The following SMC1B variants were observed in gnomAD, a reference collection of about 807,000 sequenced individuals.
SMC1B encodes structural maintenance of chromosomes protein 1B.
In SMC1B, 60 loss-of-function variants were observed where a neutral mutation model predicts 157.9. That is an observed-to-expected ratio of 0.38 (90% confidence interval 0.31 to 0.47). The LOEUF is 0.47. SMC1B is among the 20% of genes least tolerant of loss of function. The pLI, the probability that SMC1B is intolerant of heterozygous loss-of-function variation, is 0.99. For synonymous variants in SMC1B, 445 were observed against 483.0 expected (o/e 0.92, Z 1.03); for missense variants, 1,165 against 1,426.2 (o/e 0.82, Z 2.95).
intron 8 of SMC1B, 96 bp from the exon 9 acceptor site, chr22:45,393,937 G>C: frequency 1.3e-6 from 1 of 778,246 alleles, no homozygotes; most frequent in Non-Finnish European, 2.0e-6. Flanking sequence ...CAGGGGAATA[G>C]AGCAGTGCTC....
chr22:45,358,798 G>C lies in SMC1B; in HGVS notation c.2863-3C>G, dbSNP rs1303880470. The C allele has an allele frequency of 6.2e-7, 1 of 1,602,364 alleles. No individual in the cohort carries two copies. Among genetic ancestry groups the C allele is most frequent in the South Asian group, 1.1e-5 (1 of 90,158 alleles). ...GTACTTTCTGCTTCAGTTCCCATCT[G>C]AAAAATATGTGAACACATACATTTG... On this transcript the variant is annotated splice_region_variant and splice_polypyrimidine_tract_variant and intron_variant, in intron 18 of 24. Transcript: ENST00000357450.
chr22:45,389,685 A>C, intron 10 of SMC1B, 27 bp downstream of exon 10: 2 of 1,587,608 alleles, frequency 1.3e-6, no homozygotes, highest in Non-Finnish European at 1.7e-6. Flanking sequence ...TTATCACTAT[A>C]AATACCAGGC....
intron 1 of SMC1B, among the ~76,000 whole-genome samples, chr22:45,409,473 G>A (rs964588844): frequency 6.6e-6 from 1 of 152,158 alleles, no homozygotes; most frequent in African/African-American, 2.4e-5. Context: ...GCTGAGGCAA[G>A]AGAATTGCTT....
intron 22 of SMC1B, among the ~76,000 whole-genome samples, chr22:45,350,863 G>A (rs763100045): frequency 3.0e-4 from 46 of 152,064 alleles, no homozygotes; most frequent in Non-Finnish European, 5.9e-4. Flanking sequence ...AGTCACCATC[G>A]CCGTCTTTCA....
intron 11 of SMC1B, among the ~76,000 whole-genome samples, chr22:45,386,573 AAAC>A (rs10694878): frequency 9.9e-5 from 15 of 150,884 alleles, no homozygotes; most frequent in African/African-American, 1.7e-4. Context: ...ATAAGGTTTA[AAAC>A]AACAACAACA....
At chr22:45,380,370 G>T (rs1411452156) in intron 12 of SMC1B, among the ~76,000 whole-genome samples, 1 of 152,112 alleles carries the variant, frequency 6.6e-6, no homozygotes, top group East Asian at 1.9e-4. Context: ...GTCAATTAAA[G>T]TTGATCCTTA....
intron 12 of SMC1B, among the ~76,000 whole-genome samples, chr22:45,379,796 A>G (rs2086918326): frequency 7.4e-6 from 1 of 134,970 alleles, no homozygotes; most frequent in South Asian, 2.4e-4. Context: ...GCAGTGGCGC[A>G]ATCTGGGCTC....
intron 21 of SMC1B, 88 bp downstream of exon 21, chr22:45,353,890 C>T (rs1241211224): frequency 5.2e-6 from 3 of 577,222 alleles, no homozygotes; most frequent in East Asian, 7.2e-5. Flanking sequence ...GGTTATTTCC[C>T]ACCAAAAAAA....
rs538745888 is a variant in SMC1B, at chr22:45,352,913, G to A, written c.3274-311C>T. On this transcript the variant is annotated intron_variant, in intron 21 of 24. Coordinates refer to ENST00000357450, the MANE Select transcript of SMC1B (RefSeq NM_148674.5). ...CTTCATGCAGTTCACTCACTGATAC[G>A]TTCATCAAACATGTACTGAATACCT... 1.8e-4 allele frequency among the ~76,000 whole-genome samples: 28 copies of A among 152,238 alleles called. No homozygotes were observed. In the South Asian group the frequency reaches 5.2e-3, roughly 28 times the overall value.
intron 23 of SMC1B, among the ~76,000 whole-genome samples, chr22:45,347,190 C>T (rs1602039520): frequency 6.6e-6 from 1 of 151,894 alleles, no homozygotes; most frequent in South Asian, 2.1e-4. Flanking sequence ...TCAAGATGCT[C>T]TTCTTTCCTG....
intron 15 of SMC1B, among the ~76,000 whole-genome samples, chr22:45,366,190 AT>A (rs2146786050): frequency 6.6e-6 from 1 of 152,130 alleles, no homozygotes. Flanking sequence ...CGCCCAGCTA[AT>A]TTTTGTATTT....
At chr22:45,347,468 C>A (rs911315116) in intron 23 of SMC1B, among the ~76,000 whole-genome samples, 1 of 152,180 alleles carries the variant, frequency 6.6e-6, no homozygotes. Context: ...TGAGACTCAA[C>A]AGAGTAAGCA....
At position 45,354,049 on chromosome 22, in the gene SMC1B, G is replaced by C; in HGVS notation, c.3202C>G (p.Gln1068Glu). The change falls in exon 21 of 25, where the codon CAG (glutamine) becomes GAG (glutamate). Residue 1068 changes from glutamine to glutamate, a missense_variant. Coordinates refer to ENST00000357450, the MANE Select transcript of SMC1B (RefSeq NM_148674.5). ...GAGATTGAGACATGCTCAAAACACT[G>C]GGTGAAAAGATCGTATCTCCTTTTT... ...VKKRRYDLFT[Q>E]CFEHVSISID... is the part of the protein sequence containing the mutation. The C allele has an allele frequency of 6.2e-7, 1 of 1,602,756 alleles. No individual in the cohort carries two copies. Among genetic ancestry groups the C allele is most frequent in the South Asian group, 1.1e-5 (1 of 88,510 alleles).
chr22:45,377,418 C>T (rs899971075), intron 12 of SMC1B, among the ~76,000 whole-genome samples: 3 of 151,818 alleles, frequency 2.0e-5, no homozygotes, highest in African/African-American at 7.3e-5. Context: ...GCAGGCAGAT[C>T]ACAAGGTCAG....
chr22:45,391,663 G>A (rs1323635441), intron 9 of SMC1B, among the ~76,000 whole-genome samples: 1 of 152,166 alleles, frequency 6.6e-6, no homozygotes, highest in Non-Finnish European at 1.5e-5. Context: ...GATAGAATAA[G>A]TATTTCCTAT....
chr22:45,410,869 C>G (rs903709807), intron 1 of SMC1B, among the ~76,000 whole-genome samples: 1 of 152,114 alleles, frequency 6.6e-6, no homozygotes, highest in African/African-American at 2.4e-5. Context: ...TTAGCTGAGT[C>G]TCAGTCAACT....
intron 4 of SMC1B, 90 bp from the exon 5 acceptor site, chr22:45,402,661 T>A: frequency 2.4e-6 from 2 of 843,734 alleles, no homozygotes; most frequent in Non-Finnish European, 3.8e-6. Flanking sequence ...ACAAATTAAC[T>A]AATGAATGTT....
chr22:45,407,649 A>G (rs2087278235), intron 2 of SMC1B, among the ~76,000 whole-genome samples: 1 of 152,098 alleles, frequency 6.6e-6, no homozygotes, highest in African/African-American at 2.4e-5. Context: ...AGGTCTCACC[A>G]CGTTTCCCAG....
intron 5 of SMC1B, among the ~76,000 whole-genome samples, chr22:45,400,056 T>C (rs920314162): frequency 6.6e-6 from 1 of 152,202 alleles, no homozygotes; most frequent in Non-Finnish European, 1.5e-5. Flanking sequence ...TTTAGCTTAA[T>C]ATAGATGGTC....
Sources: allele counts gnomAD v4.1 joint callset (sites outside exome capture counted in the v4.1 genomes callset), GRCh38; gene constraint gnomAD v4.1.1; transcripts MANE v1.5; gene names NCBI Gene and HGNC (gene_info 2026-07-23, HGNC 2026-07-21).